ASPSCR1: variants seen among roughly 807,000 people sequenced by gnomAD.
ASPSCR1 encodes tether containing UBX domain for GLUT4.
A neutral mutation model predicts 68.9 loss-of-function variants in ASPSCR1; 55 were observed. The ratio of observed to expected loss-of-function variants is 0.80; its 90% CI spans 0.64 to 1.00. ASPSCR1 has a LOEUF of 1.00. Among genes scored for constraint, ASPSCR1 ranks in the 50% least tolerant of loss-of-function variants. The pLI is 0.00. For missense variants in ASPSCR1, 765 were observed against 762.2 expected, an observed-to-expected ratio of 1.00 and a Z score of -0.04; for synonymous variants, 352 against 332.6, an observed-to-expected ratio of 1.06 and a Z score of -0.63.
chr17:81,979,293 C>A (rs1212791942), intron 2 of ASPSCR1, 54 bp downstream of exon 2: 11 of 1,570,082 alleles, frequency 7.0e-6, no homozygotes, highest in Non-Finnish European at 8.8e-6. Context: ...GCCCCTGCCC[C>A]CTGAACATAC....
Position 81,996,355 on chromosome 17 carries a change from C to G in ASPSCR1, c.507-65C>G, listed in dbSNP as rs531056515. Reference sequence around the variant, plus strand: ...GGGGGCGGGAGAGGGTGAGCCTGGGCCGGGAGAGGGTGAGCCGGGGGTAGG... The same window carrying G: ...GGGGGCGGGAGAGGGTGAGCCTGGGGCGGGAGAGGGTGAGCCGGGGGTAGG... On this transcript the variant is annotated intron_variant, in intron 6 of 15. Transcript: ENST00000306739. 5.3e-6 allele frequency: 8 copies of G among 1,523,446 alleles called. No individual in the cohort carries two copies. The East Asian group carries it at 6.8e-5, about 13-fold the overall frequency. The allele number at this position is 1,523,446 out of a possible 1,614,324, so 94.4% of individuals were successfully genotyped here. A position where few individuals can be genotyped will look rare whatever the true frequency, so the allele number is the denominator to read the frequency against.
chr17:82,015,156 T>C (rs1347500206), intron 12 of ASPSCR1: 1 of 1,598,276 alleles, frequency 6.3e-7, no homozygotes, highest in Middle Eastern at 1.7e-4. Flanking sequence ...GAGAACACGC[T>C]TGCCAGTGGT....
Position 81,996,488 on chromosome 17 carries a change from G to A in ASPSCR1, c.575G>A (p.Gly192Asp). ...PGSLGSSASA[G>D]QAAASAPLPL... ...AGCCTGGGCTCGTCAGCGTCGGCTG[G>A]CCAGGCAGCCGCCAGCGCTCCACTT... Residue 192 changes from glycine to aspartate, a missense_variant, in exon 7 of 16, where the codon GGC becomes GAC. Coordinates refer to ENST00000306739, the MANE Select transcript of ASPSCR1 (RefSeq NM_024083.4). 6.2e-7 allele frequency: 1 copy of A among 1,611,450 alleles called. No homozygotes were observed. The highest frequency in any genetic ancestry group is 2.2e-5 in the East Asian group (1 of 44,822).
chr17:82,003,831 G>A (rs571260337), intron 7 of ASPSCR1, among the ~76,000 whole-genome samples: 31 of 152,344 alleles, frequency 2.0e-4, no homozygotes, highest in Admixed American at 9.8e-4. Context: ...CACGTGCTCC[G>A]CCGCCTGCCT....
At chr17:82,011,750 C>T (rs2042955707) in intron 11 of ASPSCR1, 145 bp downstream of exon 11, 1 of 887,720 alleles carries the variant, frequency 1.1e-6, no homozygotes. Flanking sequence ...CCTCCTGCAG[C>T]CCATGGTGTC....
chr17:81,982,226 C>G (rs1449479870), intron 2 of ASPSCR1, among the ~76,000 whole-genome samples: 1 of 152,268 alleles, frequency 6.6e-6, no homozygotes, highest in Non-Finnish European at 1.5e-5. Flanking sequence ...GTCTGGGCCT[C>G]CCAAATTGCT....
intron 9 of ASPSCR1, among the ~76,000 whole-genome samples, 182 bp from the exon 10 acceptor site, chr17:82,010,620 G>A (rs1299667618): frequency 6.6e-6 from 1 of 152,024 alleles, no homozygotes; most frequent in African/African-American, 2.4e-5. Context: ...CACGGCACTT[G>A]GCTGTCTCCA....
chr17:82,014,740 T>C, intron 12 of ASPSCR1: 1 of 392,010 alleles, frequency 2.6e-6, no homozygotes. Context: ...ACAGAGTTGC[T>C]GCCCCGTGGG....
chr17:81,995,941 G>C (rs1048350709), intron 5 of ASPSCR1, 51 bp from the exon 6 acceptor site: 3 of 1,578,006 alleles, frequency 1.9e-6, no homozygotes, highest in African/African-American at 2.7e-5. Flanking sequence ...GCTTCCCTGG[G>C]CTCTGGGGTC....
Position 81,985,536 on chromosome 17 carries a change from C to G in ASPSCR1, c.303C>G (p.Gly101=), listed in dbSNP as rs1253120110. The change falls in exon 4 of 16, where the codon GGC becomes GGG. Residue 101 remains glycine (G), a synonymous_variant. Transcript: ENST00000306739. Reference sequence around the variant, plus strand: ...GCATCGCTTTGCAGCTGGACGATGGCTCGAGGTTGCAGGACTCTTTCTGTT... The same window carrying G: ...GCATCGCTTTGCAGCTGGACGATGGGTCGAGGTTGCAGGACTCTTTCTGTT... ...MVRIALQLDD[G]SRLQDSFCSG... The G allele has an allele frequency of 6.2e-7, 1 of 1,613,952 alleles. No individual in the cohort carries two copies. The highest frequency in any genetic ancestry group is 8.5e-7 in the Non-Finnish European group (1 of 1,180,032).
rs868304618 is a variant in ASPSCR1, at chr17:81,984,889, A to C, written c.274-618A>C. ...GCACACCCCCGCACACACACCCCCC[A>C]CACACACCCACACACACCCCTACAG... On this transcript the variant is annotated intron_variant, in intron 3 of 15. Transcript: ENST00000306739. Among the ~76,000 whole-genome samples the C allele has an allele frequency of 3.9e-3, 169 of 42,842 alleles. No homozygotes were observed. In the Middle Eastern group the frequency reaches 0.065, roughly 17 times the overall value. The allele number at this position is 42,842 out of a possible 152,430, so 28.1% of individuals were successfully genotyped here.
At chr17:82,000,758 G>T (rs2042502621) in intron 7 of ASPSCR1, among the ~76,000 whole-genome samples, 1 of 152,184 alleles carries the variant, frequency 6.6e-6, no homozygotes, top group African/African-American at 2.4e-5. Context: ...ATTATTAGAA[G>T]GTAGTTTTAC....
At chr17:82,015,958 T>G in intron 12 of ASPSCR1, 1 of 166,004 alleles carries the variant, frequency 6.0e-6, no homozygotes, top group Non-Finnish European at 1.3e-5. Context: ...GGTTTCGGCG[T>G]TCCTGGGCCT....
At chr17:81,996,268 G>C in intron 6 of ASPSCR1, 152 bp from the exon 7 acceptor site, 1 of 1,416,252 alleles carries the variant, frequency 7.1e-7, no homozygotes, top group East Asian at 2.5e-5. Context: ...CAGAGGGGCG[G>C]TGGATCTTGG....
Position 82,016,809 on chromosome 17 carries a change from T to A in ASPSCR1, c.1415T>A (p.Leu472Gln). The A allele has an allele frequency of 6.2e-7, 1 of 1,610,408 alleles. No individual in the cohort carries two copies. Reference sequence around the variant, plus strand: ...TTGGGCCTCCCTGCAGGTGTCTACCTGGAGCCTGGCCTGCTGGAGCATGCC... The same window carrying A: ...TTGGGCCTCCCTGCAGGTGTCTACCAGGAGCCTGGCCTGCTGGAGCATGCC... Reference protein sequence around the residue: ...LGAEEPAGVYLEPGLLEHAIS... With the variant: ...LGAEEPAGVYQEPGLLEHAIS... Residue 472 changes from leucine (L) to glutamine (Q), a missense_variant, in exon 14 of 16, where the codon CTG (leucine) becomes CAG (glutamine). Leu to Gln is a moderately radical substitution (Grantham distance 113, BLOSUM62 -2). Transcript: ENST00000306739.
Position 81,983,772 on chromosome 17 carries a change from T to C in ASPSCR1, c.273+104T>C, listed in dbSNP as rs1471188229. 1.0e-6 allele frequency: 1 copy of C among 988,424 alleles called. No individual in the cohort carries two copies. Among genetic ancestry groups the C allele is most frequent in the African/African-American group, 1.6e-5 (1 of 62,168 alleles). 61.2% of individuals were successfully genotyped at this position (988,424 alleles called of 1,614,324 possible). A position where few individuals can be genotyped will look rare whatever the true frequency, so the allele number is the denominator to read the frequency against. ...GGGGGGTGCTGGGGAAGGAGGGACATGAGTCTTAGCACCAGTTCTGCCTTC... is the reference window on the plus strand; with the variant it reads ...GGGGGGTGCTGGGGAAGGAGGGACACGAGTCTTAGCACCAGTTCTGCCTTC... On this transcript the variant is annotated intron_variant, in intron 3 of 15. Transcript: ENST00000306739. This position sits in a 1 kb window ranked among gnomAD's most constrained non-coding sequence, Gnocchi z 4.4.
Position 81,995,096 on chromosome 17 carries a change from C to T in ASPSCR1, c.432+218C>T, listed in dbSNP as rs774149159. The T allele has an allele frequency of 4.7e-5, 26 of 552,264 alleles. No individual in the cohort carries two copies. In the South Asian group the frequency reaches 5.9e-4, roughly 13 times the overall value. The allele number at this position is 552,264 out of a possible 1,614,324, so 34.2% of individuals were successfully genotyped here. On this transcript the variant is annotated intron_variant, in intron 5 of 15. Coordinates refer to ENST00000306739, the MANE Select transcript of ASPSCR1 (RefSeq NM_024083.4). ...CGCCCTGTTTGTTTTTTCAGCTTCTCTCAAAGCCCAAGAGTCACAAAAGTG... is the reference window on the plus strand; with the variant it reads ...CGCCCTGTTTGTTTTTTCAGCTTCTTTCAAAGCCCAAGAGTCACAAAAGTG...
Position 81,983,501 on chromosome 17 carries a change from C to G in ASPSCR1, c.159-53C>G, listed in dbSNP as rs1230576501. On this transcript the variant is annotated intron_variant, in intron 2 of 15. Transcript: ENST00000306739. The surrounding 1 kb of genome is among the most constrained non-coding windows in gnomAD (Gnocchi z 4.4). ...GACGGGGATGGCGGGGCGTGGATGG[C>G]AGGGCGTGTCAGGCTCTGCAGGGCA... is the stretch of plus-strand genomic sequence containing the variant. 6 of 1,440,194 alleles carry G rather than the reference C, an allele frequency of 4.2e-6. No individual in the cohort carries two copies. Among genetic ancestry groups the G allele is most frequent in the Non-Finnish European group, 5.8e-6 (6 of 1,040,466 alleles). The allele number at this position is 1,440,194 out of a possible 1,614,324, so 89.2% of individuals were successfully genotyped here.
At chr17:81,988,452 C>G (rs1206171025) in intron 4 of ASPSCR1, among the ~76,000 whole-genome samples, 1 of 146,094 alleles carries the variant, frequency 6.8e-6, no homozygotes, top group Non-Finnish European at 1.5e-5. Flanking sequence ...AGGACTCCGT[C>G]TCAAAAAAAA....
Sources: gnomAD v4.1 joint callset for allele counts (sites outside exome capture counted in the v4.1 genomes callset) on GRCh38, gnomAD v4.1.1 for gene constraint, Gnocchi (gnomAD v3.1) non-coding constraint, MANE v1.5 for transcripts, NCBI Gene and HGNC (gene_info 2026-07-23, HGNC 2026-07-21) for gene names.